The following FBXO27 variants were observed in gnomAD, a reference collection of about 807,000 sequenced individuals.
FBXO27 encodes the protein F-box only protein 27.
FBXO27 carries 28 observed loss-of-function variants against 28.3 expected under a neutral mutation model. The observed-to-expected ratio is 0.99, with a 90% CI of 0.73 to 1.36. The LOEUF is 1.36. Ranked by LOEUF, FBXO27 falls within the 40% of genes most tolerant of loss-of-function variation. FBXO27 has a pLI of 0.00. For missense variants in FBXO27, 388 were observed against 394.1 expected (o/e 0.98, Z 0.13); for synonymous variants, 175 against 167.3 (o/e 1.05, Z -0.36).
chr19:39,006,029 A>C (rs927123782), intron 2 of FBXO27, among the ~76,000 whole-genome samples: 2 of 152,228 alleles, frequency 1.3e-5, no homozygotes, highest in Non-Finnish European at 2.9e-5. Context: ...GGACACACAG[A>C]AAAGTCTCTT....
Position 39,032,219 on chromosome 19 carries a change from G to A in FBXO27, c.9C>T (p.Ala3=), listed in dbSNP as rs779890146. 4 of 1,446,244 alleles carry A rather than the reference G, an allele frequency of 2.8e-6. No homozygotes were observed. In the South Asian group the frequency reaches 4.3e-5, roughly 16 times the overall value. 89.6% of individuals were successfully genotyped at this position (1,446,244 alleles called of 1,614,324 possible). A position where few individuals can be genotyped will look rare whatever the true frequency, so the allele number is the denominator to read the frequency against. The change falls in exon 2 of 6, where the codon GCC becomes GCT. Residue 3 remains alanine (A), a synonymous_variant. Transcript: ENST00000292853. The surrounding 1 kb of genome is among the most constrained non-coding windows in gnomAD (Gnocchi z 4.7). The part of the protein sequence containing the change: MG[A]SVSRGRAARV... ...GGGCGGCCCGGCCCCTGGAGACCGA[G>A]GCGCCCATGGTCCCCCCGCCAGGCC...
chr19:39,027,250 T>C, intron 4 of FBXO27, among the ~76,000 whole-genome samples: 1 of 152,072 alleles, frequency 6.6e-6, no homozygotes, highest in East Asian at 1.9e-4. Flanking sequence ...ATATAAATAG[T>C]CTCAGTGGGG....
downstream of FBXO27, among the ~76,000 whole-genome samples, chr19:39,019,279 G>C (rs1444050028): frequency 1.4e-5 from 2 of 147,072 alleles, no homozygotes; most frequent in Non-Finnish European, 3.0e-5. Context: ...AAAAAACTTA[G>C]CTGGGCATGG....
chr19:39,026,726 C>G, intron 5 of FBXO27, 144 bp downstream of exon 5: 1 of 1,227,754 alleles, frequency 8.1e-7, no homozygotes, highest in Non-Finnish European at 1.1e-6. Context: ...CCTGCCTTGG[C>G]CTCCCAAAGT....
intron 2 of FBXO27, among the ~76,000 whole-genome samples, chr19:39,011,127 G>C (rs981953438): frequency 6.6e-6 from 1 of 152,132 alleles, no homozygotes; most frequent in Non-Finnish European, 1.5e-5. Context: ...CAAAAAAAAT[G>C]GCTCTTAAAA....
chr19:39,031,881 C>T lies in FBXO27; in HGVS notation c.347G>A (p.Arg116His). 1 of 1,486,210 alleles carries T rather than the reference C, an allele frequency of 6.7e-7. No individual in the cohort carries two copies. The highest frequency in any genetic ancestry group is 8.9e-7 in the Non-Finnish European group (1 of 1,128,822). The allele number at this position is 1,486,210 out of a possible 1,614,324, so 92.1% of individuals were successfully genotyped here. The change falls in exon 2 of 6, where the codon CGC becomes CAC. Residue 116 changes from arginine (R) to histidine (H), a missense_variant. Physicochemically the swap from Arg to His is conservative, Grantham distance 29. Transcript: ENST00000292853. ...GATCCCACCTTGGCCGCAGGGGTTG[C>T]GAATAAGGTTGCGTCCGATGGGTCT... ...ARRPIGRNLI[R>H]NPCGQEGLRK...
chr19:39,019,424 C>CAAAAAAAAAAAAAAAAAAAAAAA (rs566451562), downstream of FBXO27, among the ~76,000 whole-genome samples: 1 of 35,450 alleles, frequency 2.8e-5, no homozygotes, highest in Non-Finnish European at 5.0e-5. Context: ...GACTCTGTCT[C>CAAAAAAAAAAAAAAAAAAAAAAA]AAAAAAAAAA....
At chr19:39,013,232 G>A (rs1477263787) in intron 2 of FBXO27, among the ~76,000 whole-genome samples, 3 of 152,168 alleles carry the variant, frequency 2.0e-5, no homozygotes, top group African/African-American at 7.2e-5. Context: ...CAGAAATGAG[G>A]CGTCTCCCAA....
chr19:39,025,595 C>G, intron 5 of FBXO27, 41 bp from the exon 6 acceptor site: 1 of 1,587,282 alleles, frequency 6.3e-7, no homozygotes, highest in Non-Finnish European at 8.6e-7. Flanking sequence ...GTGCCACAGC[C>G]TCCCCTCCAA....
chr19:39,012,598 T>C (rs2072800912), intron 2 of FBXO27, among the ~76,000 whole-genome samples: 1 of 150,700 alleles, frequency 6.6e-6, no homozygotes, highest in South Asian at 2.1e-4. Context: ...ACACATCACA[T>C]CCAGGAATTG....
In FBXO27 at chr19:39,012,921, C is replaced by T. The variant is rs544425094; in HGVS notation, c.252+1466G>A. Among the ~76,000 whole-genome samples, 6 of 152,192 alleles carry T rather than the reference C, an allele frequency of 3.9e-5. No individual in the cohort carries two copies. The South Asian group carries it at 1.2e-3, about 32-fold the overall frequency. The stretch of plus-strand genomic sequence containing the variant: ...GTTGCAGTGAGTCAAGATGGCGCTA[C>T]TGCACTCCAGCCTGGGCAACAGAGT... On this transcript the variant is annotated intron_variant, in intron 2 of 2. Coordinates refer to the FBXO27 transcript ENST00000598394.
intron 2 of FBXO27, 190 bp from the exon 3 acceptor site, chr19:39,031,510 G>T: frequency 1.6e-6 from 1 of 617,740 alleles, no homozygotes; most frequent in African/African-American, 1.9e-5. Flanking sequence ...CCTTCTCACT[G>T]ATTTGCAGCA....
At position 39,031,864 on chromosome 19, in the gene FBXO27, C is replaced by G. The variant is rs771915331; in HGVS notation, c.364G>C (p.Glu122Gln). 23 of 1,477,388 alleles carry G rather than the reference C, an allele frequency of 1.6e-5. No individual in the cohort carries two copies. Among genetic ancestry groups the G allele is most frequent in the Non-Finnish European group, 1.9e-5 (21 of 1,126,094 alleles). 91.5% of individuals were successfully genotyped at this position (1,477,388 alleles called of 1,614,324 possible). Residue 122 changes from glutamate (E) to glutamine (Q), a missense_variant and splice_region_variant, in exon 2 of 6, where the codon GAA (glutamate) becomes CAA (glutamine). By Grantham distance (29) the Glu-to-Gln change is conservative. Coordinates refer to ENST00000292853, the MANE Select transcript of FBXO27 (RefSeq NM_178820.5). ...RNLIRNPCGQ[E>Q]GLRKWMVQHG... ...TGGACTTCCTCTTCCGAGATCCCAC[C>G]TTGGCCGCAGGGGTTGCGAATAAGG... is the stretch of plus-strand genomic sequence containing the variant.
rs2072868624 is a variant in FBXO27 at position 39,025,551 on chromosome 19, T to G, written c.712A>C (p.Thr238Pro). Residue 238 changes from threonine to proline, a missense_variant, in exon 6 of 6, where the codon ACC becomes CCC. Coordinates refer to ENST00000292853, the MANE Select transcript of FBXO27 (RefSeq NM_178820.5). The part of the protein sequence containing the change: ...QWNNNACLHV[T>P]HVFSNIKMGV... ...ATCTTGATGTTGGAGAACACGTGGG[T>G]GACCTGTAGGCAGAGGAGGGGCTCA... The G allele has an allele frequency of 6.2e-7, 1 of 1,613,166 alleles. No individual in the cohort carries two copies. Among genetic ancestry groups the G allele is most frequent in the African/African-American group, 1.3e-5 (1 of 74,910 alleles).
At chr19:39,016,592 GAA>G (rs34873154) in intron 1 of FBXO27, among the ~76,000 whole-genome samples, 8 of 112,332 alleles carry the variant, frequency 7.1e-5, no homozygotes, top group African/African-American at 1.3e-4. Flanking sequence ...TCTCTAATTT[GAA>G]AAAAAAAAAA....
At chr19:39,021,322 C>G (rs993198090), downstream of FBXO27, among the ~76,000 whole-genome samples, 1 of 152,016 alleles carries the variant, frequency 6.6e-6, no homozygotes. Context: ...TGTAAAGTAC[C>G]TGCCTGTCCT....
chr19:39,010,809 A>G (rs1303710691), intron 2 of FBXO27, among the ~76,000 whole-genome samples: 1 of 152,262 alleles, frequency 6.6e-6, no homozygotes, highest in African/African-American at 2.4e-5. Flanking sequence ...AGGAGTAATC[A>G]GAGTTGTAAC....
intron 4 of FBXO27, among the ~76,000 whole-genome samples, chr19:39,028,799 G>T (rs2072886767): frequency 6.6e-6 from 1 of 151,756 alleles, no homozygotes; most frequent in African/African-American, 2.4e-5. Flanking sequence ...GAAGGCAGAG[G>T]TTGCAGTGAG....
intron 4 of FBXO27, chr19:39,030,828 G>A (rs937862705): frequency 1.6e-5 from 10 of 606,936 alleles, no homozygotes; most frequent in African/African-American, 9.3e-5. Flanking sequence ...GGCTGGTCTC[G>A]AACTCCTGAC....
Sources: gnomAD v4.1 joint callset for allele counts (sites outside exome capture counted in the v4.1 genomes callset) on GRCh38, gnomAD v4.1.1 for gene constraint, Gnocchi (gnomAD v3.1) non-coding constraint, MANE v1.5 for transcripts, NCBI Gene and HGNC (gene_info 2026-07-23, HGNC 2026-07-21) for gene names.